EPHB2: variants seen among roughly 807,000 people sequenced by gnomAD.
EPHB2 encodes ephrin type-B receptor 2.
In EPHB2, 18 loss-of-function variants were observed where a neutral mutation model predicts 96.4. That is an observed-to-expected ratio of 0.19 (90% CI 0.13 to 0.28). The LOEUF (loss-of-function observed/expected upper bound fraction) is 0.28, where lower values mean the gene tolerates loss of function less well. Ranked by LOEUF, EPHB2 falls within the 10% of genes least tolerant of loss-of-function variation. The pLI, the probability that EPHB2 is intolerant of heterozygous loss-of-function variation, is 1.00. For missense variants in EPHB2, 989 were observed against 1,355.4 expected (o/e 0.73, Z 4.25); for synonymous variants, 506 against 534.1 (o/e 0.95, Z 0.72).
At chr1:22,773,532 G>A (rs922312605) in intron 1 of EPHB2, among the ~76,000 whole-genome samples, 8 of 152,202 alleles carry the variant, frequency 5.3e-5, no homozygotes, top group African/African-American at 1.7e-4. Context: ...AAGACCCGTG[G>A]GTGTAGCTAT....
Position 22,846,900 on chromosome 1 carries a change from G to A in EPHB2, c.812-16137G>A, listed in dbSNP as rs1570377726. On this transcript the variant is annotated intron_variant, in intron 3 of 15. Coordinates refer to ENST00000374630, the MANE Select transcript of EPHB2 (RefSeq NM_017449.5). The surrounding 1 kb of genome is among the most constrained non-coding windows in gnomAD (Gnocchi z 4.3). ...TGTTTGGAAACTGCTTACTGACCGG[G>A]GCATCTTCCCCACCAGGCTGGGAGC... 6.6e-6 allele frequency among the ~76,000 whole-genome samples: 1 copy of A among 152,162 alleles called. No homozygotes were observed. Among genetic ancestry groups the A allele is most frequent in the African/African-American group, 2.4e-5 (1 of 41,430 alleles).
chr1:22,787,334 G>A (rs1160953890), intron 3 of EPHB2, among the ~76,000 whole-genome samples: 1 of 152,198 alleles, frequency 6.6e-6, no homozygotes, highest in Non-Finnish European at 1.5e-5. Context: ...AATCAACTTG[G>A]CCCATTAGGG....
intron 1 of EPHB2, among the ~76,000 whole-genome samples, chr1:22,765,657 C>T (rs903643687): frequency 1.3e-5 from 2 of 151,848 alleles, no homozygotes; most frequent in African/African-American, 4.8e-5. Flanking sequence ...ACGAGCTTTC[C>T]GTCACTCTGA....
intron 3 of EPHB2, among the ~76,000 whole-genome samples, chr1:22,836,339 G>A (rs1479948112): frequency 1.3e-5 from 2 of 152,226 alleles, no homozygotes; most frequent in Admixed American, 6.5e-5. Flanking sequence ...CAAGGAGTGC[G>A]CCGAGGCCCT....
At position 22,864,959 on chromosome 1, in the gene EPHB2, C is replaced by T. The variant is rs759784190; in HGVS notation, c.1050C>T (p.Ser350=). Residue 350 remains serine (S), a synonymous_variant, in exon 5 of 16, where the codon TCC becomes TCT. Transcript: ENST00000374630. The part of the protein sequence containing the change: ...LMLEWTPPRD[S]GGREDLVYNI... ...TGGAGTGGACCCCTCCCCGCGACTCCGGAGGCCGAGAGGACCTCGTCTACA... is the reference window on the plus strand; with the variant it reads ...TGGAGTGGACCCCTCCCCGCGACTCTGGAGGCCGAGAGGACCTCGTCTACA... The T allele has an allele frequency of 1.1e-5, 17 of 1,604,580 alleles. No homozygotes were observed. In the East Asian group the frequency reaches 1.3e-4, roughly 13 times the overall value.
chr1:22,865,096 G>A lies in EPHB2; in HGVS notation c.1187G>A (p.Ser396Asn), dbSNP rs1233157301. Residue 396 changes from serine to asparagine, a missense_variant, in exon 5 of 16, where the codon AGT (serine) becomes AAT (asparagine). Ser to Asn is a conservative substitution (Grantham distance 46). Coordinates refer to ENST00000374630, the MANE Select transcript of EPHB2 (RefSeq NM_017449.5). ...LGLTEPRIYI[S>N]DLLAHTQYTF... ...CTGACCGAGCCACGCATTTACATCA[G>A]TGACCTGCTGGCCCACACCCAGTAC... 2 of 1,614,254 alleles carry A rather than the reference G, an allele frequency of 1.2e-6. No individual in the cohort carries two copies. The highest frequency in any genetic ancestry group is 1.7e-6 in the Non-Finnish European group (2 of 1,180,050).
At chr1:22,760,403 G>C (rs1389755308) in intron 1 of EPHB2, among the ~76,000 whole-genome samples, 1 of 152,182 alleles carries the variant, frequency 6.6e-6, no homozygotes, top group Non-Finnish European at 1.5e-5. Flanking sequence ...TAAGGACAGG[G>C]ACAACTCTGT....
At position 22,736,306 on chromosome 1, in the gene EPHB2, A is replaced by C. The variant is rs545996209; in HGVS notation, c.61+25263A>C. 3.3e-5 allele frequency among the ~76,000 whole-genome samples: 5 copies of C among 152,270 alleles called. 1 individual carries two copies. In the South Asian group the frequency reaches 1.0e-3, roughly 32 times the overall value. On this transcript the variant is annotated intron_variant, in intron 1 of 15. Transcript: ENST00000374630. ...CTGGTATGGGGGAACGTTTGGGGACAAGGCGGCCCCTCTTGCCTGGTTGGT... is the reference window on the plus strand; with the variant it reads ...CTGGTATGGGGGAACGTTTGGGGACCAGGCGGCCCCTCTTGCCTGGTTGGT...
chr1:22,860,577 C>T lies in EPHB2; in HGVS notation c.812-2460C>T, dbSNP rs1163128525. On this transcript the variant is annotated intron_variant, in intron 3 of 15. Transcript: ENST00000374630. This position sits in a 1 kb window ranked among gnomAD's most constrained non-coding sequence, Gnocchi z 4.6. ...GCAGTCCAGATGGAGAGGCTGGCAC[C>T]GCACAGAGGGGAGAGAGAGCAGCCA... 2.6e-5 allele frequency among the ~76,000 whole-genome samples: 4 copies of T among 151,968 alleles called. No individual in the cohort carries two copies. Among genetic ancestry groups the T allele is most frequent in the Admixed American group, 1.3e-4 (2 of 15,258 alleles).
At chr1:22,711,734 G>A (rs191421709) in intron 1 of EPHB2, among the ~76,000 whole-genome samples, 2 of 152,236 alleles carry the variant, frequency 1.3e-5, no homozygotes, top group Non-Finnish European at 2.9e-5. Context: ...CCGCGGCCGC[G>A]GCGCTCAGCG....
At chr1:22,766,943 C>T (rs1224253332) in intron 1 of EPHB2, among the ~76,000 whole-genome samples, 1 of 152,224 alleles carries the variant, frequency 6.6e-6, no homozygotes, top group African/African-American at 2.4e-5. Flanking sequence ...GGCCTGTGGT[C>T]CTGTGGCCTC....
intron 1 of EPHB2, among the ~76,000 whole-genome samples, chr1:22,726,701 T>A (rs1643589543): frequency 6.6e-6 from 1 of 152,088 alleles, no homozygotes; most frequent in African/African-American, 2.4e-5. Flanking sequence ...GGATTACAGG[T>A]GTGAGCTACC....
chr1:22,832,615 T>C (rs1302264049), intron 3 of EPHB2, among the ~76,000 whole-genome samples: 3 of 152,122 alleles, frequency 2.0e-5, no homozygotes, highest in African/African-American at 4.8e-5. Flanking sequence ...TTGCTATTCC[T>C]CTGCCATGAT....
chr1:22,885,156 G>A (rs1240952988), intron 6 of EPHB2, among the ~76,000 whole-genome samples: 1 of 152,140 alleles, frequency 6.6e-6, no homozygotes, highest in Non-Finnish European at 1.5e-5. Flanking sequence ...CCGCTCCCAG[G>A]CTCTGCAGGA....
rs745706731 is a variant in EPHB2, at chr1:22,864,977, C to T, written c.1068C>T (p.Leu356=). Residue 356 remains leucine (L), a synonymous_variant, in exon 5 of 16, where the codon CTC becomes CTT. Transcript: ENST00000374630. ...PPRDSGGRED[L]VYNIICKSCG... ...GCGACTCCGGAGGCCGAGAGGACCT[C>T]GTCTACAACATCATCTGCAAGAGCT... 1.0e-4 allele frequency: 164 copies of T among 1,607,986 alleles called. No homozygotes were observed. Among genetic ancestry groups the T allele is most frequent in the Middle Eastern group, 1.6e-4 (1 of 6,062 alleles).
intron 1 of EPHB2, among the ~76,000 whole-genome samples, chr1:22,711,421 CG>C (rs569068639): frequency 0.011 from 1,408 of 133,994 alleles, 25 homozygotes; most frequent in African/African-American, 0.036. Context: ...CCGGCCGTGG[CG>C]GGGGGCGGGG....
chr1:22,910,600 C>G (rs1387972935), intron 14 of EPHB2, 25 bp downstream of exon 14: 1 of 1,612,806 alleles, frequency 6.2e-7, no homozygotes. Flanking sequence ...TGGCCCTGCC[C>G]CAGCCAGGCC....
At chr1:22,810,175 G>A (rs1422097346) in intron 3 of EPHB2, among the ~76,000 whole-genome samples, 1 of 152,156 alleles carries the variant, frequency 6.6e-6, no homozygotes. Context: ...CTCTTGTGCG[G>A]GAGACCTGGG....
In EPHB2 at chr1:22,913,303, G is replaced by A. The variant is rs943380570; in HGVS notation, c.2853-159G>A. The A allele has an allele frequency of 2.7e-5, 24 of 880,970 alleles. No homozygotes were observed. Among genetic ancestry groups the A allele is most frequent in the Non-Finnish European group, 3.6e-5 (20 of 554,430 alleles). 54.6% of individuals were successfully genotyped at this position (880,970 alleles called of 1,614,324 possible). ...TGCTCTTCCACCTCACACCATAGTC[G>A]CTCCCTCCAGCTGTGGCTGCCTGCC... On this transcript the variant is annotated intron_variant, in intron 15 of 15. Transcript: ENST00000374630. This position sits in a 1 kb window ranked among gnomAD's most constrained non-coding sequence, Gnocchi z 4.1.
Sources: gnomAD v4.1 joint callset for allele counts (sites outside exome capture counted in the v4.1 genomes callset) on GRCh38, gnomAD v4.1.1 for gene constraint, Gnocchi (gnomAD v3.1) non-coding constraint, MANE v1.5 for transcripts, NCBI Gene and HGNC (gene_info 2026-07-23, HGNC 2026-07-21) for gene names.